EXOC3: variants seen among roughly 807,000 people sequenced by gnomAD.
EXOC3 encodes the protein SEC6-like 1.
A neutral mutation model predicts 73.7 loss-of-function variants in EXOC3; 21 were observed. The ratio of observed to expected loss-of-function variants is 0.29; its 90% CI spans 0.20 to 0.41. The LOEUF (loss-of-function observed/expected upper bound fraction) is 0.41, where lower values mean the gene tolerates loss of function less well. Ranked by LOEUF, EXOC3 falls within the 10% of genes least tolerant of loss-of-function variation. EXOC3 has a pLI of 1.00. For synonymous variants in EXOC3, 410 were observed against 389.1 expected, an observed-to-expected ratio of 1.05 and a Z score of -0.63; for missense variants, 842 against 985.1, an observed-to-expected ratio of 0.85 and a Z score of 1.95.
At chr5:454,577 C>T (rs993395772) in intron 4 of EXOC3, among the ~76,000 whole-genome samples, 2 of 152,164 alleles carry the variant, frequency 1.3e-5, no homozygotes, top group African/African-American at 2.4e-5. Context: ...CTAGATAGTT[C>T]GAGGAAACTC....
intron 5 of EXOC3, 78 bp from the exon 6 acceptor site, chr5:457,822 A>G (rs1447953905): frequency 3.4e-6 from 5 of 1,473,572 alleles, no homozygotes; most frequent in Non-Finnish European, 4.6e-6. Flanking sequence ...TGTGCATGCA[A>G]CTGACCAGGT....
rs376575084 is a variant in EXOC3, at chr5:446,221, C to G, written c.16C>G (p.Arg6Gly). 4 of 1,613,928 alleles carry G rather than the reference C, an allele frequency of 2.5e-6. No homozygotes were observed. The highest frequency in any genetic ancestry group is 3.4e-6 in the Non-Finnish European group (4 of 1,179,872). Residue 6 changes from arginine to glycine, a missense_variant, in exon 2 of 13, where the codon CGG becomes GGG. Transcript: ENST00000512944. ...CTTTTTCACCATGAAGGAGACAGAC[C>G]GGGAGGCCGTTGCGACAGCAGTGCA... MKETD[R>G]EAVATAVQRV...
intron 3 of EXOC3, 95 bp downstream of exon 3, chr5:447,847 T>C: frequency 2.5e-6 from 2 of 784,752 alleles, no homozygotes; most frequent in Non-Finnish European, 4.1e-6. Context: ...CAGCCCGCAC[T>C]GTAGACCTGT....
chr5:461,697 G>A, intron 7 of EXOC3: 1 of 466,286 alleles, frequency 2.1e-6, no homozygotes, highest in Non-Finnish European at 3.9e-6. Flanking sequence ...TAACTCCTGG[G>A]CTCAGGTGGT....
At chr5:446,668 G>A (rs1737517788) in intron 2 of EXOC3, among the ~76,000 whole-genome samples, 1 of 152,164 alleles carries the variant, frequency 6.6e-6, no homozygotes, top group South Asian at 2.1e-4. Context: ...GACCAGCCTG[G>A]TCAACATGGT....
intron 3 of EXOC3, among the ~76,000 whole-genome samples, chr5:453,014 A>C (rs768268445): frequency 1.3e-5 from 2 of 152,138 alleles, no homozygotes; most frequent in African/African-American, 4.8e-5. Context: ...CTGAGTACAG[A>C]TCTCCGGTGT....
In EXOC3 at chr5:466,977, C is replaced by T. The variant is rs1022299865; in HGVS notation, c.*79C>T. 8 of 1,381,800 alleles carry T rather than the reference C, an allele frequency of 5.8e-6. No individual in the cohort carries two copies. Among genetic ancestry groups the T allele is most frequent in the African/African-American group, 2.9e-5 (2 of 69,650 alleles). 85.6% of individuals were successfully genotyped at this position (1,381,800 alleles called of 1,614,324 possible). On this transcript the variant is annotated 3_prime_UTR_variant, in exon 13 of 13. Coordinates refer to ENST00000512944, the MANE Select transcript of EXOC3 (RefSeq NM_007277.5). ...AAACGCGGGACAGCTGATTGCTCTC[C>T]TTGGCCACACGTGCTCCTTTTAGCT...
In EXOC3 at chr5:443,229, G is replaced by GGGCGGCGGCGGCGGCGGCGGC. The variant is rs11274307; in HGVS notation, c.-89_-69dup. The GGGCGGCGGCGGCGGCGGCGGC allele has an allele frequency of 4.7e-4, 65 of 138,916 alleles. No individual in the cohort carries two copies. Among genetic ancestry groups the GGGCGGCGGCGGCGGCGGCGGC allele is most frequent in the East Asian group, 1.8e-3 (9 of 5,042 alleles). The allele number at this position is 138,916 out of a possible 1,614,324, so 8.6% of individuals were successfully genotyped here. A position where few individuals can be genotyped will look rare whatever the true frequency, so the allele number is the denominator to read the frequency against. ...GCAGCGAAGGCGGAGGGGGCGGCGG[G>GGGCGGCGGCGGCGGCGGCGGC]GGCGGCGGCGGCGGCGGCGGCGGCG... On this transcript the variant is annotated 5_prime_UTR_variant, in exon 1 of 13. Transcript: ENST00000512944.
chr5:449,063 A>T (rs1466032573), intron 3 of EXOC3, among the ~76,000 whole-genome samples: 1 of 152,200 alleles, frequency 6.6e-6, no homozygotes, highest in Non-Finnish European at 1.5e-5. Flanking sequence ...CGGTCTTTTA[A>T]ACTAATGCCT....
rs539821058 is a variant in EXOC3, at chr5:456,525, C to A, written c.1047-364C>A. ...CGTCTTCCCCACAGGAAAGGCTCTT[C>A]CACATTTGAGCCCCAGCACCTCATG... On this transcript the variant is annotated intron_variant, in intron 4 of 12. Coordinates refer to ENST00000512944, the MANE Select transcript of EXOC3 (RefSeq NM_007277.5). Among the ~76,000 whole-genome samples the A allele has an allele frequency of 3.3e-5, 5 of 152,366 alleles. No individual in the cohort carries two copies. In the South Asian group the frequency reaches 1.0e-3, roughly 32 times the overall value.
chr5:459,700 C>G (rs929249922), intron 7 of EXOC3: 3 of 325,140 alleles, frequency 9.2e-6, no homozygotes, highest in African/African-American at 6.4e-5. Flanking sequence ...ACGTCCTTAG[C>G]GATGCGCCGG....
chr5:460,050 C>A (rs1737939055), intron 7 of EXOC3, among the ~76,000 whole-genome samples: 2 of 152,250 alleles, frequency 1.3e-5, no homozygotes, highest in South Asian at 2.1e-4. Flanking sequence ...TTCAGGCAAA[C>A]CCCGGGCGCT....
chr5:466,570 G>C (rs1214825926), intron 12 of EXOC3, 157 bp from the exon 13 acceptor site: 2 of 624,184 alleles, frequency 3.2e-6, no homozygotes, highest in African/African-American at 3.7e-5. Flanking sequence ...GAAAATGCAG[G>C]CTTGTCTCCC....
Position 447,317 on chromosome 5 carries a change from T to C in EXOC3, c.145-216T>C, listed in dbSNP as rs1040438422. 3.4e-5 allele frequency: 18 copies of C among 535,248 alleles called. No homozygotes were observed. The Admixed American group carries it at 6.3e-4, about 19-fold the overall frequency. 33.2% of individuals were successfully genotyped at this position (535,248 alleles called of 1,614,324 possible). The stretch of plus-strand genomic sequence containing the variant: ...ACCTTTTCTCATCAAGGCTTTAAAA[T>C]GCATCATTGTTCTGTTCCCAGGCAG... On this transcript the variant is annotated intron_variant, in intron 2 of 12. Coordinates refer to ENST00000512944, the MANE Select transcript of EXOC3 (RefSeq NM_007277.5).
chr5:447,487 C>A (rs773701287), intron 2 of EXOC3, 46 bp from the exon 3 acceptor site: 185 of 1,381,982 alleles, frequency 1.3e-4, no homozygotes, highest in Middle Eastern at 2.3e-4. Context: ...GGAGGCAGCG[C>A]ATGGCTATCA....
intron 4 of EXOC3, among the ~76,000 whole-genome samples, chr5:456,378 C>T (rs1336388668): frequency 8.3e-6 from 1 of 119,832 alleles, no homozygotes; most frequent in Non-Finnish European, 1.7e-5. Flanking sequence ...AGTCAGTGGA[C>T]GTGGCGCCCG....
At chr5:466,502 A>G (rs1231368750) in intron 12 of EXOC3, 2 of 541,534 alleles carry the variant, frequency 3.7e-6, no homozygotes, top group African/African-American at 1.9e-5. Flanking sequence ...ACAAAGATTT[A>G]TAAAAGCAGT....
intron 12 of EXOC3, 114 bp downstream of exon 12, chr5:465,959 C>T (rs1438018731): frequency 9.4e-6 from 12 of 1,270,730 alleles, no homozygotes; most frequent in South Asian, 1.4e-5. Flanking sequence ...CCCTGCAGCA[C>T]GGCAAGGGTT....
chr5:450,790 G>GTT (rs34225129), intron 3 of EXOC3, among the ~76,000 whole-genome samples: 5 of 141,106 alleles, frequency 3.5e-5, no homozygotes, highest in Non-Finnish European at 4.7e-5. Flanking sequence ...TTTGTGACTA[G>GTT]TTTTTTTTTT....
Sources: allele counts gnomAD v4.1 joint callset (sites outside exome capture counted in the v4.1 genomes callset), GRCh38; gene constraint gnomAD v4.1.1; transcripts MANE v1.5; gene names NCBI Gene and HGNC (gene_info 2026-07-23, HGNC 2026-07-21).